CLSTN2: variants seen among roughly 807,000 people sequenced by gnomAD.
CLSTN2 encodes calsyntenin-2.
CLSTN2 carries 48 observed loss-of-function variants against 101.2 expected under a neutral mutation model. The observed-to-expected ratio is 0.47, with a 90% CI of 0.38 to 0.60. The LOEUF is 0.60. Ranked by LOEUF, CLSTN2 falls within the 20% of genes least tolerant of loss-of-function variation. CLSTN2 has a pLI of 0.00. For missense variants in CLSTN2, 1,160 were observed against 1,238.2 expected, an observed-to-expected ratio of 0.94 and a Z score of 0.95; for synonymous variants, 481 against 463.6, an observed-to-expected ratio of 1.04 and a Z score of -0.48.
At chr3:140,083,674 G>C (rs556189690) in intron 1 of CLSTN2, among the ~76,000 whole-genome samples, 9 of 152,318 alleles carry the variant, frequency 5.9e-5, no homozygotes, top group African/African-American at 2.2e-4. Flanking sequence ...CGTGGCACAT[G>C]ATGAGTTCAA....
intron 10 of CLSTN2, among the ~76,000 whole-genome samples, chr3:140,552,644 A>G (rs186983366): frequency 6.6e-6 from 1 of 152,216 alleles, no homozygotes; most frequent in East Asian, 1.9e-4. Flanking sequence ...CCATCCCTCT[A>G]GAAGAACCTC....
chr3:140,544,798 G>T lies in CLSTN2; in HGVS notation c.1508-1717G>T, dbSNP rs545975024. The stretch of plus-strand genomic sequence containing the variant: ...GAGAGGGAGACACATGGTGGGCAGA[G>T]GGGGATCATGGAGGGCTTCCATGAG... On this transcript the variant is annotated intron_variant, in intron 9 of 16. Transcript: ENST00000458420. Among the ~76,000 whole-genome samples, 4 of 152,156 alleles carry T rather than the reference G, an allele frequency of 2.6e-5. No individual in the cohort carries two copies. The South Asian group carries it at 6.2e-4, about 24-fold the overall frequency.
chr3:140,321,999 A>G (rs2087288200), intron 2 of CLSTN2, among the ~76,000 whole-genome samples: 1 of 152,030 alleles, frequency 6.6e-6, no homozygotes, highest in East Asian at 1.9e-4. Flanking sequence ...CCTCACTGTC[A>G]CTCTCTACCA....
At chr3:139,949,880 G>A (rs1476832054) in intron 1 of CLSTN2, among the ~76,000 whole-genome samples, 2 of 152,196 alleles carry the variant, frequency 1.3e-5, no homozygotes, top group African/African-American at 2.4e-5. Flanking sequence ...AGTGGATAAA[G>A]CATGCTCCAT....
intron 2 of CLSTN2, among the ~76,000 whole-genome samples, chr3:140,385,219 A>G (rs1662457724): frequency 1.3e-5 from 2 of 152,132 alleles, no homozygotes; most frequent in South Asian, 4.2e-4. Flanking sequence ...GCCAGGGGAA[A>G]CCCCTTAGCT....
intron 1 of CLSTN2, among the ~76,000 whole-genome samples, chr3:139,998,336 C>CTTTTTTTTTTTT (rs60541490): frequency 0.013 from 891 of 66,772 alleles, 166 homozygotes; most frequent in African/African-American, 0.033. Context: ...CCCCACATGC[C>CTTTTTTTTTTTT]TTTTTTTTTT....
intron 1 of CLSTN2, among the ~76,000 whole-genome samples, chr3:140,018,184 C>T (rs1371294653): frequency 2.0e-5 from 3 of 152,136 alleles, no homozygotes; most frequent in Non-Finnish European, 2.9e-5. Context: ...TGGCTGTGGT[C>T]GCTGTGTTTC....
chr3:140,205,183 T>TC (rs1478289116), intron 2 of CLSTN2, among the ~76,000 whole-genome samples: 2 of 152,206 alleles, frequency 1.3e-5, no homozygotes, highest in Non-Finnish European at 2.9e-5. Flanking sequence ...TCACACAGCA[T>TC]CCAAAGGTGT....
intron 2 of CLSTN2, among the ~76,000 whole-genome samples, chr3:140,183,953 C>A (rs2010448636): frequency 1.3e-5 from 2 of 152,182 alleles, no homozygotes; most frequent in African/African-American, 4.8e-5. Flanking sequence ...ACAACCACCC[C>A]AAAACTTATG....
chr3:140,038,536 G>T (rs2007703324), intron 1 of CLSTN2, among the ~76,000 whole-genome samples: 1 of 151,922 alleles, frequency 6.6e-6, no homozygotes. Flanking sequence ...TGCAGACGCT[G>T]TTTAGTTTAA....
intron 1 of CLSTN2, among the ~76,000 whole-genome samples, chr3:139,965,018 G>A (rs1935569320): frequency 6.6e-6 from 1 of 152,102 alleles, no homozygotes; most frequent in Non-Finnish European, 1.5e-5. Context: ...CACTACGGTT[G>A]ATATTTTATA....
intron 1 of CLSTN2, among the ~76,000 whole-genome samples, chr3:140,004,532 T>A: frequency 6.6e-6 from 1 of 152,200 alleles, no homozygotes; most frequent in East Asian, 1.9e-4. Flanking sequence ...TAAGCAGTCC[T>A]TCTTTAGAGA....
intron 1 of CLSTN2, among the ~76,000 whole-genome samples, chr3:140,056,326 C>A (rs2008095784): frequency 6.6e-6 from 1 of 152,184 alleles, no homozygotes; most frequent in Admixed American, 6.5e-5. Flanking sequence ...ATGTCAAGGA[C>A]TCTACCAAGT....
intron 2 of CLSTN2, among the ~76,000 whole-genome samples, chr3:140,325,452 A>G (rs2087322931): frequency 6.6e-6 from 1 of 152,204 alleles, no homozygotes; most frequent in Admixed American, 6.5e-5. Context: ...TCCTTCCCCA[A>G]ACACCTTGCC....
intron 1 of CLSTN2, among the ~76,000 whole-genome samples, chr3:139,959,730 CAG>C (rs1935470622): frequency 6.6e-6 from 1 of 152,130 alleles, no homozygotes; most frequent in African/African-American, 2.4e-5. Flanking sequence ...TCTGTGCCCT[CAG>C]CCAACCCCGC....
intron 8 of CLSTN2, among the ~76,000 whole-genome samples, chr3:140,475,794 C>T (rs1263857157): frequency 6.6e-6 from 1 of 152,090 alleles, no homozygotes; most frequent in Non-Finnish European, 1.5e-5. Context: ...GTACATCTGC[C>T]CAGAGGCAAT....
In CLSTN2 at chr3:140,418,514, TTTC is replaced by T. The variant is rs1254225940; in HGVS notation, c.638-2608_638-2606del. ...AGTTCTTTCTTTCTTTCTTTCTTTC[TTTC>T]TTTTTTTTTTTTTTTTCTGAGACGG... On this transcript the variant is annotated intron_variant, in intron 4 of 16. Coordinates refer to ENST00000458420, the MANE Select transcript of CLSTN2 (RefSeq NM_022131.3). Among the ~76,000 whole-genome samples, 222 of 34,794 alleles carry T rather than the reference TTTC, an allele frequency of 6.4e-3. 2 individuals carry two copies. The highest frequency in any genetic ancestry group is 0.022 in the African/African-American group (27 of 1,218). The allele number at this position is 34,794 out of a possible 152,430, so 22.8% of individuals were successfully genotyped here.
At chr3:140,053,324 C>T (rs528957073) in intron 1 of CLSTN2, among the ~76,000 whole-genome samples, 14 of 152,304 alleles carry the variant, frequency 9.2e-5, no homozygotes, top group African/African-American at 2.6e-4. Flanking sequence ...TTGTATACAC[C>T]GTAAATTTTA....
chr3:140,070,481 A>C (rs2008372017), intron 1 of CLSTN2, among the ~76,000 whole-genome samples: 1 of 152,230 alleles, frequency 6.6e-6, no homozygotes, highest in Non-Finnish European at 1.5e-5. Context: ...CAAATAGAAA[A>C]ACAGACAAAA....
Sources: gnomAD v4.1 joint callset for allele counts (sites outside exome capture counted in the v4.1 genomes callset) on GRCh38, gnomAD v4.1.1 for gene constraint, MANE v1.5 for transcripts, NCBI Gene and HGNC (gene_info 2026-07-23, HGNC 2026-07-21) for gene names.